The following STAB2 variants were observed in gnomAD, a reference collection of about 807,000 sequenced individuals.
The protein encoded by STAB2 is stabilin 2, also known as stabilin-2.
In STAB2, 288 loss-of-function variants were observed where a neutral mutation model predicts 338.1. The observed-to-expected ratio is 0.85, with a 90% CI of 0.77 to 0.94. The LOEUF (loss-of-function observed/expected upper bound fraction) is 0.94. Among genes scored for constraint, STAB2 ranks in the 40% least tolerant of loss-of-function variants. The probability of loss-of-function intolerance (pLI) is 0.00; values close to 1 mark genes in which losing one functional copy is unlikely to be tolerated. For synonymous variants in STAB2, 1,202 were observed against 1,193.3 expected, an observed-to-expected ratio of 1.01 and a Z score of -0.15; for missense variants, 3,141 against 3,210.1, an observed-to-expected ratio of 0.98 and a Z score of 0.52.
chr12:103,699,250 C>T, intron 34 of STAB2, 23 bp downstream of exon 34: 4 of 1,575,352 alleles, frequency 2.5e-6, no homozygotes, highest in South Asian at 2.3e-5. Flanking sequence ...TATGTAAAAC[C>T]CCAGCAATGC....
intron 6 of STAB2, among the ~76,000 whole-genome samples, chr12:103,633,252 G>A (rs1957492573): frequency 6.6e-6 from 1 of 152,098 alleles, no homozygotes; most frequent in Admixed American, 6.5e-5. Flanking sequence ...ATGCTTCCAA[G>A]TAAAAAAATA....
chr12:103,673,849 C>T lies in STAB2; in HGVS notation c.2372-58C>T, dbSNP rs1876068092. ...GTCCCTGTCCTCCAGGGTGCTCTGC[C>T]TCAGTGCTTGGCTTGTCCCCAAGGC... On this transcript the variant is annotated intron_variant, in intron 22 of 68. Coordinates refer to ENST00000388887, the MANE Select transcript of STAB2 (RefSeq NM_017564.10). 4.5e-6 allele frequency: 7 copies of T among 1,559,194 alleles called. 1 individual carries two copies. The South Asian group carries it at 8.4e-5, about 19-fold the overall frequency.
intron 6 of STAB2, among the ~76,000 whole-genome samples, chr12:103,636,648 CA>C (rs1027876730): frequency 1.3e-5 from 2 of 152,036 alleles, no homozygotes; most frequent in Non-Finnish European, 2.9e-5. Flanking sequence ...CACTCTAACC[CA>C]GAAGTTTTGT....
Position 103,703,055 on chromosome 12 carries a change from T to C in STAB2, c.3715-93T>C, listed in dbSNP as rs556360796. 8.3e-5 allele frequency: 114 copies of C among 1,372,358 alleles called. 1 individual carries two copies. In the African/African-American group the frequency reaches 1.5e-3, roughly 18 times the overall value. The allele number at this position is 1,372,358 out of a possible 1,614,324, so 85.0% of individuals were successfully genotyped here. A position where few individuals can be genotyped will look rare whatever the true frequency, so the allele number is the denominator to read the frequency against. The stretch of plus-strand genomic sequence containing the variant: ...TCCAGGTGAATATTGTAATATCTCC[T>C]AGGCAATTGTCCTATTGCTAACCTC... On this transcript the variant is annotated intron_variant, in intron 34 of 68. Coordinates refer to ENST00000388887, the MANE Select transcript of STAB2 (RefSeq NM_017564.10).
intron 39 of STAB2, among the ~76,000 whole-genome samples, chr12:103,710,098 C>T (rs952428086): frequency 6.6e-6 from 1 of 152,206 alleles, no homozygotes. Context: ...TTCCTCCACT[C>T]CGTACTCCCC....
intron 3 of STAB2, among the ~76,000 whole-genome samples, chr12:103,619,017 C>T (rs1051773348): frequency 1.3e-5 from 2 of 152,268 alleles, no homozygotes; most frequent in Non-Finnish European, 1.5e-5. Context: ...CCGTGTAAGA[C>T]GTCACTTTGC....
intron 3 of STAB2, among the ~76,000 whole-genome samples, chr12:103,607,398 TAA>T (rs1957046310): frequency 6.6e-6 from 1 of 151,130 alleles, no homozygotes; most frequent in African/African-American, 2.4e-5. Context: ...TGTTTTTTTT[TAA>T]TTATACTTTA....
At chr12:103,627,800 C>A (rs1957403265) in intron 5 of STAB2, among the ~76,000 whole-genome samples, 1 of 152,212 alleles carries the variant, frequency 6.6e-6, no homozygotes, top group Non-Finnish European at 1.5e-5. Context: ...GGAGCAGGAG[C>A]CCTCTGTGCC....
chr12:103,761,490 C>G, intron 66 of STAB2, 80 bp downstream of exon 66: 2 of 1,248,032 alleles, frequency 1.6e-6, no homozygotes, highest in Non-Finnish European at 2.3e-6. Flanking sequence ...TTACCAGAAG[C>G]CCTGTCCTCC....
Position 103,725,666 on chromosome 12 carries a change from ATGTG to A in STAB2, c.4804-442_4804-439del, listed in dbSNP as rs1005539181. ...CATGTGTGTATGCACGTGTGTGTGC[ATGTG>A]TGTGTGTACTGAGCATAGTGGTTGA... On this transcript the variant is annotated intron_variant, in intron 45 of 68. Transcript: ENST00000388887. Among the ~76,000 whole-genome samples, 13 of 152,196 alleles carry A rather than the reference ATGTG, an allele frequency of 8.5e-5. No homozygotes were observed. In the East Asian group the frequency reaches 1.5e-3, roughly 18 times the overall value.
At chr12:103,745,006 T>C (rs1376321658) in intron 56 of STAB2, among the ~76,000 whole-genome samples, 167 bp from the exon 57 acceptor site, 2 of 152,236 alleles carry the variant, frequency 1.3e-5, no homozygotes, top group African/African-American at 4.8e-5. Flanking sequence ...TGGCCTGTGA[T>C]AGTCCCTGAA....
chr12:103,671,509 T>C (rs1041816385), intron 22 of STAB2, among the ~76,000 whole-genome samples: 4 of 152,156 alleles, frequency 2.6e-5, no homozygotes, highest in African/African-American at 9.7e-5. Flanking sequence ...ATCAGCTCCT[T>C]TATTTGCAAG....
chr12:103,765,350 G>A (rs1884862133), intron 68 of STAB2, among the ~76,000 whole-genome samples: 1 of 152,136 alleles, frequency 6.6e-6, no homozygotes, highest in Non-Finnish European at 1.5e-5. Flanking sequence ...AGACTACATG[G>A]CAAAAACATT....
intron 28 of STAB2, among the ~76,000 whole-genome samples, chr12:103,688,469 G>A (rs931013219): frequency 6.6e-6 from 1 of 152,202 alleles, no homozygotes; most frequent in African/African-American, 2.4e-5. Flanking sequence ...GTCGGGGCCA[G>A]AAAGGGGGCT....
chr12:103,618,927 C>A (rs1027889214), intron 3 of STAB2, among the ~76,000 whole-genome samples: 2 of 152,082 alleles, frequency 1.3e-5, no homozygotes, highest in African/African-American at 4.8e-5. Context: ...CCATGCTGTT[C>A]TCATGATTGT....
At chr12:103,761,712 C>A (rs983561325) in intron 66 of STAB2, among the ~76,000 whole-genome samples, 1 of 152,108 alleles carries the variant, frequency 6.6e-6, no homozygotes, top group South Asian at 2.1e-4. Context: ...TATGGTTTGG[C>A]CCCTCCACTT....
At chr12:103,702,546 G>A (rs555368452) in intron 34 of STAB2, among the ~76,000 whole-genome samples, 2 of 152,170 alleles carry the variant, frequency 1.3e-5, no homozygotes, top group Non-Finnish European at 2.9e-5. Flanking sequence ...TGATCCACCC[G>A]CCTCGGCCTC....
At chr12:103,685,448 G>T (rs527529623) in intron 27 of STAB2, among the ~76,000 whole-genome samples, 1 of 140,654 alleles carries the variant, frequency 7.1e-6, no homozygotes, top group Admixed American at 7.4e-5. Context: ...GTGTGTGTGT[G>T]TGTGTGCGCG....
At chr12:103,742,945 T>C (rs1409353540) in intron 56 of STAB2, among the ~76,000 whole-genome samples, 1 of 152,244 alleles carries the variant, frequency 6.6e-6, no homozygotes, top group Non-Finnish European at 1.5e-5. Context: ...GGTACTGTTA[T>C]TATCTGCAAG....
Sources: gnomAD v4.1 joint callset for allele counts (sites outside exome capture counted in the v4.1 genomes callset) on GRCh38, gnomAD v4.1.1 for gene constraint, MANE v1.5 for transcripts, NCBI Gene and HGNC (gene_info 2026-07-23, HGNC 2026-07-21) for gene names.